CELF1: variants seen among roughly 807,000 people sequenced by gnomAD.
The protein encoded by CELF1 is 50 kDa nuclear polyadenylated RNA-binding protein.
A neutral mutation model predicts 61.8 loss-of-function variants in CELF1; 10 were observed. The ratio of observed to expected loss-of-function variants is 0.16; its 90% confidence interval spans 0.10 to 0.27. CELF1 has a LOEUF of 0.27. Ranked by LOEUF, CELF1 falls within the 10% of genes least tolerant of loss-of-function variation. CELF1 has a pLI of 1.00. For missense variants in CELF1, 380 were observed against 639.1 expected, an observed-to-expected ratio of 0.59 and a Z score of 4.37; for synonymous variants, 236 against 225.1, an observed-to-expected ratio of 1.05 and a Z score of -0.43.
rs573183695 is a variant in CELF1 at position 47,485,186 on chromosome 11, T to C, written c.392-663A>G. Among the ~76,000 whole-genome samples, 310 of 152,314 alleles carry C rather than the reference T, an allele frequency of 2.0e-3. 10 individuals carry two copies. The South Asian group carries it at 0.063, about 31-fold the overall frequency. ...TGGCATCTTCCCTAGTCCTTTGTAT[T>C]GTTTCCTCTTTTTGAGACAAGAGTC... On this transcript the variant is annotated intron_variant, in intron 6 of 14. Transcript: ENST00000687097.
intron 1 of CELF1, chr11:47,513,639 T>G (rs1026034188): frequency 6.6e-6 from 1 of 151,928 alleles, no homozygotes; most frequent in Non-Finnish European, 1.5e-5. Context: ...GTATTTTTAG[T>G]AGAGATGGGG....
intron 10 of CELF1, 71 bp downstream of exon 10, chr11:47,478,806 T>C (rs1952295131): frequency 3.2e-6 from 4 of 1,257,664 alleles, no homozygotes; most frequent in Non-Finnish European, 3.4e-6. Context: ...GATGCCAAAC[T>C]CCCAAGACTG....
rs71042677 is a variant in CELF1, at chr11:47,519,938, TA to T, written c.-153-19007del. Reference sequence around the variant, plus strand: ...TCTGTCACATCCTTCAAATCACTCCTAAAAAAACTCAACTGTTCCACAAAAT... The same window carrying T: ...TCTGTCACATCCTTCAAATCACTCCTAAAAAACTCAACTGTTCCACAAAAT... On this transcript the variant is annotated intron_variant, in intron 1 of 14. Coordinates refer to ENST00000687097, the MANE Select transcript of CELF1 (RefSeq NM_001376376.1). Among the ~76,000 whole-genome samples the T allele has an allele frequency of 4.6e-5, 7 of 150,830 alleles. No homozygotes were observed. In the South Asian group the frequency reaches 8.4e-4, roughly 18 times the overall value.
intron 1 of CELF1, among the ~76,000 whole-genome samples, chr11:47,538,329 C>T (rs936185206): frequency 6.6e-6 from 1 of 152,132 alleles, no homozygotes; most frequent in African/African-American, 2.4e-5. Flanking sequence ...TTGATGTTGG[C>T]TGTGTACCAG....
intron 1 of CELF1, among the ~76,000 whole-genome samples, chr11:47,539,235 A>G (rs796337051): frequency 1.2e-4 from 18 of 152,342 alleles, no homozygotes; most frequent in African/African-American, 4.3e-4. Flanking sequence ...TTGTTAAAAA[A>G]ATAAACTCAT....
chr11:47,532,489 T>C (rs971800738), intron 1 of CELF1, among the ~76,000 whole-genome samples: 1 of 152,234 alleles, frequency 6.6e-6, no homozygotes, highest in African/African-American at 2.4e-5. Context: ...CAGGATGCTG[T>C]AGAAGGGATT....
Position 47,489,935 on chromosome 11 carries a change from G to GTTTTTTGTTTTTTTTT in CELF1, c.72-912_72-911insAAAAAAAAACAAAAAA, listed in dbSNP as rs1555170256. ...GTTTCCACTCAGAACATACCATCTT[G>GTTTTTTGTTTTTTTTT]TTTTTTTTTTTTTTTTTTTTGAGAC... On this transcript the variant is annotated intron_variant, in intron 3 of 14. Transcript: ENST00000687097. Among the ~76,000 whole-genome samples the GTTTTTTGTTTTTTTTT allele has an allele frequency of 1.0e-4, 5 of 48,226 alleles. 2 individuals are homozygous for GTTTTTTGTTTTTTTTT. The highest frequency in any genetic ancestry group is 3.0e-4 in the Admixed American group (1 of 3,300). The allele number at this position is 48,226 out of a possible 152,430, so 31.6% of individuals were successfully genotyped here. A position where few individuals can be genotyped will look rare whatever the true frequency, so the allele number is the denominator to read the frequency against.
intron 2 of CELF1, among the ~76,000 whole-genome samples, chr11:47,558,693 AATAT>A (rs1240465690): frequency 3.5e-5 from 4 of 114,992 alleles, no homozygotes; most frequent in Non-Finnish European, 6.6e-5. Context: ...TATTATATAT[AATAT>A]ATGTCATAAT....
intron 3 of CELF1, among the ~76,000 whole-genome samples, chr11:47,489,578 T>C (rs913076130): frequency 5.3e-5 from 8 of 152,232 alleles, no homozygotes; most frequent in African/African-American, 1.7e-4. Context: ...ATAATCATAA[T>C]GCTCGAGTTA....
intron 1 of CELF1, among the ~76,000 whole-genome samples, chr11:47,520,296 C>T (rs550587494): frequency 1.3e-5 from 2 of 152,322 alleles, no homozygotes; most frequent in East Asian, 3.9e-4. Context: ...TATTTCATCA[C>T]ACTGTCCATG....
At chr11:47,491,623 T>C (rs146232349) in intron 3 of CELF1, among the ~76,000 whole-genome samples, 1 of 152,320 alleles carries the variant, frequency 6.6e-6, no homozygotes, top group Non-Finnish European at 1.5e-5. Flanking sequence ...ACTAATCAGC[T>C]ACAATCCTAG....
rs1208390722 is a variant in CELF1, at chr11:47,499,436, A to G, written c.71+17T>C. 1 of 1,529,250 alleles carries G rather than the reference A, an allele frequency of 6.5e-7. No individual in the cohort carries two copies. Among genetic ancestry groups the G allele is most frequent in the Non-Finnish European group, 8.8e-7 (1 of 1,140,900 alleles). 94.7% of individuals were successfully genotyped at this position (1,529,250 alleles called of 1,614,324 possible). A position where few individuals can be genotyped will look rare whatever the true frequency, so the allele number is the denominator to read the frequency against. On this transcript the variant is annotated intron_variant, in intron 3 of 14. Coordinates refer to ENST00000687097, the MANE Select transcript of CELF1 (RefSeq NM_001376376.1). ...TTCCTCTGCTTATGATAAAAATTAGACAACAAAAATACTTACACGGGACTG... is the reference window on the plus strand; with the variant it reads ...TTCCTCTGCTTATGATAAAAATTAGGCAACAAAAATACTTACACGGGACTG...
intron 1 of CELF1, among the ~76,000 whole-genome samples, chr11:47,533,831 A>AAAG (rs1491545271): frequency 1.6e-3 from 223 of 140,866 alleles, no homozygotes; most frequent in Non-Finnish European, 2.6e-3. Flanking sequence ...AAAAAAAAAA[A>AAAG]GGAATATTTA....
chr11:47,471,528 A>AT lies in CELF1; in HGVS notation c.*701dup, dbSNP rs2077706398. 6.6e-6 allele frequency: 1 copy of AT among 152,208 alleles called. No individual in the cohort carries two copies. The highest frequency in any genetic ancestry group is 2.4e-5 in the African/African-American group (1 of 41,446). 9.4% of individuals were successfully genotyped at this position (152,208 alleles called of 1,614,324 possible). On this transcript the variant is annotated 3_prime_UTR_variant, in exon 15 of 15. Transcript: ENST00000687097. ...TGGGTGATGCCGCCCTGCTTTTTGC[A>AT]TATGTCAGGCTAACAGGTGCTTTAT...
intron 1 of CELF1, among the ~76,000 whole-genome samples, chr11:47,530,675 C>A (rs1327749041): frequency 6.6e-6 from 1 of 152,156 alleles, no homozygotes; most frequent in Non-Finnish European, 1.5e-5. Flanking sequence ...AGGAAAAAGG[C>A]TGGGTACAGT....
chr11:47,531,977 T>C (rs576626520), intron 1 of CELF1, among the ~76,000 whole-genome samples: 134 of 152,292 alleles, frequency 8.8e-4, no homozygotes, highest in African/African-American at 3.0e-3. Flanking sequence ...TAAATGGAGA[T>C]AAACAGGCTA....
In CELF1 at chr11:47,489,248, C is replaced by T. The variant is rs571275381; in HGVS notation, c.72-224G>A. Among the ~76,000 whole-genome samples the T allele has an allele frequency of 2.6e-5, 4 of 152,226 alleles. No individual in the cohort carries two copies. In the East Asian group the frequency reaches 5.8e-4, roughly 22 times the overall value. Reference sequence around the variant, plus strand: ...AGTCACCATTCTGATTGGGACATCCCAGCTGTTACCAGGGAACTGACAGTG... The same window carrying T: ...AGTCACCATTCTGATTGGGACATCCTAGCTGTTACCAGGGAACTGACAGTG... On this transcript the variant is annotated intron_variant, in intron 3 of 14. Transcript: ENST00000687097.
At chr11:47,541,108 G>T (rs895648229) in intron 1 of CELF1, among the ~76,000 whole-genome samples, 1 of 152,124 alleles carries the variant, frequency 6.6e-6, no homozygotes, top group African/African-American at 2.4e-5. Flanking sequence ...ATACACAAAA[G>T]CTAGAAGTAC....
chr11:47,541,781 C>A (rs12806681), intron 1 of CELF1, among the ~76,000 whole-genome samples: 1,594 of 10,386 alleles, frequency 0.15, 352 homozygotes, highest in African/African-American at 0.32. Context: ...AAAGAAAGAA[C>A]GAAAGAAAGA....
Sources: gnomAD v4.1 joint callset for allele counts (sites outside exome capture counted in the v4.1 genomes callset) on GRCh38, gnomAD v4.1.1 for gene constraint, MANE v1.5 for transcripts, NCBI Gene and HGNC (gene_info 2026-07-23, HGNC 2026-07-21) for gene names.